Variants in BPIFB2 observed in about 807,000 individuals in gnomAD.
BPIFB2 encodes BPI fold-containing family B member 2.
BPIFB2 carries 39 observed loss-of-function variants against 50.1 expected under a neutral mutation model. That is an observed-to-expected ratio of 0.78 (90% CI 0.60 to 1.02). The LOEUF is 1.02. Among genes scored for constraint, BPIFB2 ranks in the 50% least tolerant of loss-of-function variants. BPIFB2 has a pLI of 0.00. For synonymous variants in BPIFB2, 280 were observed against 256.3 expected, an observed-to-expected ratio of 1.09 and a Z score of -0.88; for missense variants, 574 against 585.8, an observed-to-expected ratio of 0.98 and a Z score of 0.21.
chr20:33,012,686 A>C (rs1793005160), intron 3 of BPIFB2, 117 bp from the exon 4 acceptor site: 2 of 805,598 alleles, frequency 2.5e-6, no homozygotes, highest in East Asian at 5.1e-5. Flanking sequence ...TCATGGTTCC[A>C]ATTGTCAGAA....
rs35897534 is a variant in BPIFB2, at chr20:33,015,599, T to TAAA, written c.516+115_516+117dup. On this transcript the variant is annotated intron_variant, in intron 6 of 15. Coordinates refer to ENST00000170150, the MANE Select transcript of BPIFB2 (RefSeq NM_025227.3). ...AGGCAGGGGGTACTTTGCTTGGGAT[T>TAAA]AAAAAAAAAAAAAAGACGCCCCTTC... The TAAA allele has an allele frequency of 0.016, 12,475 of 766,472 alleles. 949 individuals are homozygous for TAAA. In the African/African-American group the frequency reaches 0.2, roughly 12 times the overall value. 47.5% of individuals were successfully genotyped at this position (766,472 alleles called of 1,614,324 possible).
intron 9 of BPIFB2, 39 bp downstream of exon 9, chr20:33,018,861 G>C: frequency 3.1e-6 from 5 of 1,591,102 alleles, no homozygotes; most frequent in South Asian, 1.1e-5. Context: ...TGTGGGGCAA[G>C]AGCTCCCTGT....
At chr20:33,021,226 T>G in intron 13 of BPIFB2, 55 bp from the exon 14 acceptor site, 3 of 1,580,406 alleles carry the variant, frequency 1.9e-6, no homozygotes, top group Non-Finnish European at 2.6e-6. Flanking sequence ...TGACTGTCCA[T>G]CTCTCCTGGC....
rs1990305759 is a variant in BPIFB2 at position 33,012,783 on chromosome 20, C to T, written c.204-20C>T. 3 of 1,591,008 alleles carry T rather than the reference C, an allele frequency of 1.9e-6. No homozygotes were observed. The highest frequency in any genetic ancestry group is 3.3e-5 in the Admixed American group (2 of 59,982). ...TGGTTTAATGGGGGCCACTCTGTCA[C>T]CTTGATTACTACCCTGCAGGATCCG... On this transcript the variant is annotated intron_variant, in intron 3 of 15. Coordinates refer to ENST00000170150, the MANE Select transcript of BPIFB2 (RefSeq NM_025227.3).
intron 11 of BPIFB2, among the ~76,000 whole-genome samples, 189 bp from the exon 12 acceptor site, chr20:33,020,139 C>T (rs1390732534): frequency 6.6e-6 from 1 of 152,252 alleles, no homozygotes; most frequent in African/African-American, 2.4e-5. Flanking sequence ...GGCTCGTTCC[C>T]AGGGCAGGGA....
chr20:33,020,027 C>A (rs1306310455), intron 11 of BPIFB2, among the ~76,000 whole-genome samples: 1 of 152,218 alleles, frequency 6.6e-6, no homozygotes, highest in Non-Finnish European at 1.5e-5. Context: ...AGGTCCCCAT[C>A]AGCCTTCTCG....
chr20:33,012,715 C>T lies in BPIFB2; in HGVS notation c.204-88C>T, dbSNP rs866241038. On this transcript the variant is annotated intron_variant, in intron 3 of 15. Coordinates refer to ENST00000170150, the MANE Select transcript of BPIFB2 (RefSeq NM_025227.3). Reference sequence around the variant, plus strand: ...GTCAGAAAGCCCTTCTTTATAACATCGTGTGGGTATGGCTCAGAGCACCCA... The same window carrying T: ...GTCAGAAAGCCCTTCTTTATAACATTGTGTGGGTATGGCTCAGAGCACCCA... 38 of 999,780 alleles carry T rather than the reference C, an allele frequency of 3.8e-5. 3 individuals are homozygous for T. In the Middle Eastern group the frequency reaches 7.2e-3, roughly 188 times the overall value. The allele number at this position is 999,780 out of a possible 1,614,324, so 61.9% of individuals were successfully genotyped here.
chr20:33,020,053 AT>A, intron 11 of BPIFB2, among the ~76,000 whole-genome samples: 1 of 152,228 alleles, frequency 6.6e-6, no homozygotes, highest in South Asian at 2.1e-4. Context: ...TCCTCTCTGC[AT>A]TTGTGGCCCC....
intron 10 of BPIFB2, 101 bp from the exon 11 acceptor site, chr20:33,019,479 A>G: frequency 7.6e-7 from 1 of 1,323,166 alleles, no homozygotes. Flanking sequence ...GCCCAGTCAC[A>G]TACAGCGCCA....
rs761815952 is a variant in BPIFB2, at chr20:33,012,824, T to C, written c.225T>C (p.His75=). 4.6e-5 allele frequency: 75 copies of C among 1,613,842 alleles called. No individual in the cohort carries two copies. The highest frequency in any genetic ancestry group is 5.9e-5 in the Non-Finnish European group (70 of 1,179,856). ...QPTRIRILNV[H]VPRLHLKFIA... ...GCAGGATCCGGATTCTGAATGTCCATGTGCCCCGCCTCCACCTGAAATTCA... is the reference window on the plus strand; with the variant it reads ...GCAGGATCCGGATTCTGAATGTCCACGTGCCCCGCCTCCACCTGAAATTCA... Residue 75 remains histidine, a synonymous_variant, in exon 4 of 16, where the codon CAT becomes CAC. Coordinates refer to ENST00000170150, the MANE Select transcript of BPIFB2 (RefSeq NM_025227.3).
chr20:33,016,066 G>A (rs1978415833), intron 6 of BPIFB2, among the ~76,000 whole-genome samples: 1 of 152,068 alleles, frequency 6.6e-6, no homozygotes, highest in South Asian at 2.1e-4. Flanking sequence ...GAGCTGACTT[G>A]GTGAGAGAGG....
At chr20:33,010,030 T>C (rs1990264257) in intron 2 of BPIFB2, among the ~76,000 whole-genome samples, 1 of 152,154 alleles carries the variant, frequency 6.6e-6, no homozygotes, top group Non-Finnish European at 1.5e-5. Flanking sequence ...CCTTTATGCT[T>C]CTTGTTGGGG....
In BPIFB2 at chr20:33,009,135, C is replaced by T. The variant is rs907081719; in HGVS notation, c.109+452C>T. Reference sequence around the variant, plus strand: ...CACGTTTGCGTATGTGGTGTGTGCACGCACGTGTGTTCTTGGGAGAGGTCT... The same window carrying T: ...CACGTTTGCGTATGTGGTGTGTGCATGCACGTGTGTTCTTGGGAGAGGTCT... On this transcript the variant is annotated intron_variant, in intron 2 of 15. Coordinates refer to ENST00000170150, the MANE Select transcript of BPIFB2 (RefSeq NM_025227.3). The surrounding 1 kb of genome is among the most constrained non-coding windows in gnomAD (Gnocchi z 4.2). Among the ~76,000 whole-genome samples the T allele has an allele frequency of 8.5e-5, 13 of 152,224 alleles. No homozygotes were observed. The highest frequency in any genetic ancestry group is 1.5e-4 in the Non-Finnish European group (10 of 68,016).
Position 33,020,353 on chromosome 20 carries a change from C to T in BPIFB2, c.1106C>T (p.Ser369Phe). The T allele has an allele frequency of 3.1e-6, 5 of 1,614,146 alleles. No homozygotes were observed. Among genetic ancestry groups the T allele is most frequent in the Non-Finnish European group, 4.2e-6 (5 of 1,180,012 alleles). Residue 369 changes from serine to phenylalanine, a missense_variant, in exon 12 of 16, where the codon TCT (serine) becomes TTT (phenylalanine). Ser to Phe is a radical substitution (Grantham distance 155). Coordinates refer to ENST00000170150, the MANE Select transcript of BPIFB2 (RefSeq NM_025227.3). Reference sequence around the variant, plus strand: ...GTAGTGAACTTGAGACTCCAGCTCTCTGTGTCCAAGGTGAAGCTTCAGGGG... The same window carrying T: ...GTAGTGAACTTGAGACTCCAGCTCTTTGTGTCCAAGGTGAAGCTTCAGGGG... ...DVVVNLRLQL[S>F]VSKVKLQGTT...
chr20:33,017,050 G>T lies in BPIFB2; in HGVS notation c.525G>T (p.Leu175=), dbSNP rs142934424. 37 of 1,614,088 alleles carry T rather than the reference G, an allele frequency of 2.3e-5. No homozygotes were observed. In the African/African-American group the frequency reaches 4.4e-4, roughly 19 times the overall value. The change falls in exon 7 of 16, where the codon CTG becomes CTT. Residue 175 remains leucine (L), a synonymous_variant. Coordinates refer to ENST00000170150, the MANE Select transcript of BPIFB2 (RefSeq NM_025227.3). ...TCTCTGTCTTACCACAGCTGTGCCTGAGCATCTCCAACCTGGTGCAGGGTG... is the reference window on the plus strand; with the variant it reads ...TCTCTGTCTTACCACAGCTGTGCCTTAGCATCTCCAACCTGGTGCAGGGTG... The part of the protein sequence containing the change: ...IKAVLSNKLC[L]SISNLVQGVN...
chr20:33,013,920 T>C lies in BPIFB2; in HGVS notation c.419T>C (p.Phe140Ser). ...GTCAGCATCTCTGCCTGCTCTTTAT[T>C]CTCGGGCCACGCCAACGAGTTTGAT... ...PVVSISACSL[F>S]SGHANEFDGS... The change falls in exon 5 of 16, where the codon TTC becomes TCC. Residue 140 changes from phenylalanine to serine, a missense_variant. Coordinates refer to ENST00000170150, the MANE Select transcript of BPIFB2 (RefSeq NM_025227.3). The C allele has an allele frequency of 6.2e-7, 1 of 1,613,936 alleles. No homozygotes were observed. The highest frequency in any genetic ancestry group is 8.5e-7 in the Non-Finnish European group (1 of 1,179,840).
At chr20:33,017,190 C>T (rs1160370841) in intron 7 of BPIFB2, 88 bp downstream of exon 7, 19 of 1,263,036 alleles carry the variant, frequency 1.5e-5, no homozygotes, top group South Asian at 1.4e-4. Context: ...CTCTGGATCA[C>T]GGTCGACCTC....
At chr20:33,011,152 G>A in intron 3 of BPIFB2, 35 bp downstream of exon 3, 1 of 1,591,306 alleles carries the variant, frequency 6.3e-7, no homozygotes. Context: ...AGGTGCTCCT[G>A]CCACCAAGTG....
intron 6 of BPIFB2, among the ~76,000 whole-genome samples, chr20:33,015,771 T>C (rs551274686): frequency 2.4e-4 from 36 of 151,668 alleles, no homozygotes; most frequent in Non-Finnish European, 4.9e-4. Context: ...AGAGGGTGGA[T>C]GGAGTGGGGT....
Sources: allele counts gnomAD v4.1 joint callset (sites outside exome capture counted in the v4.1 genomes callset), GRCh38; gene constraint gnomAD v4.1.1; non-coding constraint Gnocchi (gnomAD v3.1); transcripts MANE v1.5; gene names NCBI Gene and HGNC (gene_info 2026-07-23, HGNC 2026-07-21).